The following GAS2 variants were observed in gnomAD, a reference collection of about 807,000 sequenced individuals.
GAS2 encodes the protein growth arrest specific 2.
Under a neutral mutation model 37.5 loss-of-function variants are expected in GAS2, and 20 were observed. The ratio of observed to expected loss-of-function variants is 0.53; its 90% CI spans 0.37 to 0.77. The LOEUF is 0.77. Ranked by LOEUF, GAS2 falls within the 30% of genes least tolerant of loss-of-function variation. The probability of loss-of-function intolerance (pLI) is 0.00; values close to 1 mark genes in which losing one functional copy is unlikely to be tolerated. For missense variants in GAS2, 336 were observed against 373.4 expected (o/e 0.90, Z 0.82); for synonymous variants, 144 against 132.2 (o/e 1.09, Z -0.61).
In GAS2 at chr11:22,811,949, AG is replaced by A; in HGVS notation, c.877del (p.Asp293ThrfsTer2). ...ATCCAAAGCAAATCTCCAACTCTAAAGGACATGAATCCAGATAACTACTTGG... is the reference window on the plus strand; with the variant it reads ...ATCCAAAGCAAATCTCCAACTCTAAAGACATGAATCCAGATAACTACTTGG... ...SPIQSKSPTLKDMNPDNYLVV... is the reference protein window; with the variant it reads ...SPIQSKSPTLXDMNPDNYLVV... On this transcript the variant is annotated frameshift_variant, in exon 8 of 8. Transcript: ENST00000454584. LOFTEE classifies it high-confidence loss of function. 1 of 1,614,150 alleles carries A rather than the reference AG, an allele frequency of 6.2e-7. No individual in the cohort carries two copies. Among genetic ancestry groups the A allele is most frequent in the Non-Finnish European group, 8.5e-7 (1 of 1,180,012 alleles).
At chr11:22,682,727 A>G (rs894070358) in intron 2 of GAS2, among the ~76,000 whole-genome samples, 2 of 151,724 alleles carry the variant, frequency 1.3e-5, no homozygotes, top group African/African-American at 4.8e-5. Context: ...AAAATACCAA[A>G]ATTAGGTGGG....
chr11:22,760,849 G>A (rs1255010188), intron 7 of GAS2, among the ~76,000 whole-genome samples: 1 of 152,136 alleles, frequency 6.6e-6, no homozygotes, highest in Non-Finnish European at 1.5e-5. Flanking sequence ...AACAGATACA[G>A]TTAAAAATTT....
At chr11:22,746,699 G>C (rs1853422659) in intron 5 of GAS2, among the ~76,000 whole-genome samples, 1 of 152,228 alleles carries the variant, frequency 6.6e-6, no homozygotes, top group Admixed American at 6.5e-5. Context: ...GGGAACTCTA[G>C]AGTGGAGAGC....
chr11:22,790,982 T>A (rs1012059172), intron 7 of GAS2, among the ~76,000 whole-genome samples: 1 of 151,974 alleles, frequency 6.6e-6, no homozygotes, highest in Non-Finnish European at 1.5e-5. Context: ...AAAATAACAC[T>A]GAGAGCATAG....
intron 1 of GAS2, among the ~76,000 whole-genome samples, chr11:22,654,238 G>C (rs1848830166): frequency 6.6e-6 from 1 of 152,138 alleles, no homozygotes; most frequent in Non-Finnish European, 1.5e-5. Flanking sequence ...GCTTGAATAG[G>C]AGTGCTTAAT....
chr11:22,784,828 C>T (rs553468448), intron 7 of GAS2, among the ~76,000 whole-genome samples: 1 of 152,244 alleles, frequency 6.6e-6, no homozygotes, highest in Admixed American at 6.5e-5. Context: ...TTTCTCCTGT[C>T]TCTCTTTCTA....
chr11:22,686,904 T>C (rs1213285596), intron 3 of GAS2, among the ~76,000 whole-genome samples: 2 of 152,146 alleles, frequency 1.3e-5, no homozygotes, highest in Non-Finnish European at 2.9e-5. Flanking sequence ...CGTAAAGTAT[T>C]GTATAATATA....
intron 7 of GAS2, among the ~76,000 whole-genome samples, chr11:22,776,810 G>T (rs1338520357): frequency 6.6e-6 from 1 of 152,094 alleles, no homozygotes; most frequent in African/African-American, 2.4e-5. Context: ...TTTATTAAAT[G>T]ATGAGATTCA....
rs373793368 is a variant in GAS2 at position 22,711,380 on chromosome 11, GA to G, written c.268-14909del. 1.4e-3 allele frequency among the ~76,000 whole-genome samples: 210 copies of G among 152,326 alleles called. 1 individual carries two copies. The highest frequency in any genetic ancestry group is 4.9e-3 in the African/African-American group (202 of 41,582). On this transcript the variant is annotated intron_variant, in intron 3 of 7. Transcript: ENST00000454584. ...GCCTTATCTCACAGAGGTCCTTGGG[GA>G]AAGGAAAGCAGCTGGTGGAATTTGG...
intron 6 of GAS2, among the ~76,000 whole-genome samples, chr11:22,754,507 C>G (rs1020710637): frequency 6.6e-6 from 1 of 151,926 alleles, no homozygotes; most frequent in South Asian, 2.1e-4. Flanking sequence ...TTGTTCTTTT[C>G]CCCCCAAAAT....
chr11:22,697,573 T>A (rs574849750), intron 3 of GAS2, among the ~76,000 whole-genome samples: 4 of 152,238 alleles, frequency 2.6e-5, no homozygotes, highest in Non-Finnish European at 4.4e-5. Context: ...TTCCTACCCA[T>A]GAGCATGGAA....
intron 7 of GAS2, among the ~76,000 whole-genome samples, chr11:22,773,777 A>G (rs1262675166): frequency 1.3e-5 from 2 of 151,990 alleles, no homozygotes; most frequent in Non-Finnish European, 2.9e-5. Context: ...CTTTCACTTG[A>G]TCATCATTTC....
chr11:22,687,027 A>C (rs2133950462), intron 3 of GAS2, among the ~76,000 whole-genome samples: 1 of 152,272 alleles, frequency 6.6e-6, no homozygotes, highest in Non-Finnish European at 1.5e-5. Flanking sequence ...ATCTTTTAAA[A>C]AAATGCTGAG....
At chr11:22,733,977 G>A (rs572278332) in intron 4 of GAS2, among the ~76,000 whole-genome samples, 11 of 151,784 alleles carry the variant, frequency 7.2e-5, no homozygotes, top group Non-Finnish European at 1.5e-4. Flanking sequence ...CCTACTGTAA[G>A]TTTTAATGTA....
intron 3 of GAS2, among the ~76,000 whole-genome samples, chr11:22,704,491 C>G (rs1851003289): frequency 6.7e-6 from 1 of 148,560 alleles, no homozygotes; most frequent in Non-Finnish European, 1.5e-5. Flanking sequence ...ATAAAAGCTT[C>G]TACAATTTTT....
chr11:22,699,241 A>G (rs1850702485), intron 3 of GAS2, among the ~76,000 whole-genome samples: 1 of 152,192 alleles, frequency 6.6e-6, no homozygotes, highest in Admixed American at 6.6e-5. Flanking sequence ...TACAGAATGA[A>G]GGGAGAATTC....
At chr11:22,677,089 CA>C (rs1053561488) in intron 2 of GAS2, among the ~76,000 whole-genome samples, 1 of 151,668 alleles carries the variant, frequency 6.6e-6, no homozygotes, top group African/African-American at 2.4e-5. Flanking sequence ...CTTAGATTAG[CA>C]AAAAAACACA....
intron 7 of GAS2, among the ~76,000 whole-genome samples, chr11:22,781,311 C>T (rs191768801): frequency 1.3e-3 from 202 of 152,230 alleles, no homozygotes; most frequent in Non-Finnish European, 1.5e-3. Flanking sequence ...AACTAGGCCA[C>T]GTGGAGAGTT....
intron 7 of GAS2, among the ~76,000 whole-genome samples, chr11:22,762,305 G>A (rs1854434106): frequency 6.6e-6 from 1 of 152,048 alleles, no homozygotes; most frequent in Admixed American, 6.6e-5. Flanking sequence ...TTTGTTCCAG[G>A]CATTTTACCA....
Sources: allele counts gnomAD v4.1 joint callset (sites outside exome capture counted in the v4.1 genomes callset), GRCh38; gene constraint gnomAD v4.1.1; transcripts MANE v1.5; gene names NCBI Gene and HGNC (gene_info 2026-07-23, HGNC 2026-07-21).